The following PTGER3 variants were observed in gnomAD, a reference collection of about 807,000 sequenced individuals.
PTGER3 encodes the protein prostaglandin E receptor 3, also known as prostaglandin E2 receptor EP3 subtype.
A neutral mutation model predicts 34.7 loss-of-function variants in PTGER3; 22 were observed. The ratio of observed to expected loss-of-function variants is 0.63; its 90% confidence interval spans 0.45 to 0.91. PTGER3 has a LOEUF of 0.91. PTGER3 is among the 40% of genes least tolerant of loss of function. PTGER3 has a pLI of 0.00. For missense variants in PTGER3, 468 were observed against 519.4 expected (o/e 0.90, Z 0.96); for synonymous variants, 241 against 230.1 (o/e 1.05, Z -0.43).
chr1:70,978,397 A>G (rs12064496), intron 2 of PTGER3, among the ~76,000 whole-genome samples: 18,388 of 152,180 alleles, frequency 0.12, 1,202 homozygotes, highest in East Asian at 0.22. Context: ...ACTAAATTTT[A>G]TATTGTTCGT....
At chr1:70,940,824 GTTGT>G in intron 4 of PTGER3, among the ~76,000 whole-genome samples, 1 of 152,216 alleles carries the variant, frequency 6.6e-6, no homozygotes, top group Middle Eastern at 3.4e-3. Flanking sequence ...GTATTCCTTA[GTTGT>G]TTGTCATTTT....
intron 4 of PTGER3, among the ~76,000 whole-genome samples, chr1:70,943,967 T>A (rs1042355749): frequency 6.6e-6 from 1 of 152,128 alleles, no homozygotes; most frequent in African/African-American, 2.4e-5. Flanking sequence ...GACATTTTTA[T>A]ATCAAATTTC....
intron 4 of PTGER3, among the ~76,000 whole-genome samples, chr1:70,909,372 G>A (rs1647016207): frequency 6.6e-6 from 1 of 152,114 alleles, no homozygotes; most frequent in Non-Finnish European, 1.5e-5. Context: ...TACACTGAAA[G>A]CCATTTTTTA....
intron 1 of PTGER3, among the ~76,000 whole-genome samples, chr1:71,029,445 A>G: frequency 6.6e-6 from 1 of 152,246 alleles, no homozygotes; most frequent in East Asian, 1.9e-4. Flanking sequence ...CGAAGATGAC[A>G]GTATCCCCTC....
intron 1 of PTGER3, among the ~76,000 whole-genome samples, chr1:71,041,004 A>G (rs527830536): frequency 6.6e-6 from 1 of 152,284 alleles, no homozygotes; most frequent in South Asian, 2.1e-4. Context: ...GGGTGCAGGA[A>G]TTCACAGAGA....
At chr1:70,978,500 A>G (rs1653928537) in intron 2 of PTGER3, among the ~76,000 whole-genome samples, 1 of 152,296 alleles carries the variant, frequency 6.6e-6, no homozygotes, top group East Asian at 1.9e-4. Context: ...AAGGGGGAAA[A>G]TATAGATAAT....
At chr1:70,852,992 T>A in intron 4 of PTGER3, 1 of 1,047,862 alleles carries the variant, frequency 9.5e-7, no homozygotes, top group South Asian at 1.4e-5. Context: ...TACAGCAGTA[T>A]AACAAGAACA....
At chr1:71,044,711 A>C (rs1660607163) in intron 1 of PTGER3, among the ~76,000 whole-genome samples, 2 of 152,276 alleles carry the variant, frequency 1.3e-5, no homozygotes, top group Non-Finnish European at 2.9e-5. Context: ...AAAGTGTCTA[A>C]ATCAAAAACA....
intron 4 of PTGER3, among the ~76,000 whole-genome samples, chr1:70,942,637 C>A (rs965975071): frequency 6.6e-6 from 1 of 152,168 alleles, no homozygotes; most frequent in African/African-American, 2.4e-5. Context: ...GTGGATTGTG[C>A]ACAGCGCCCT....
intron 4 of PTGER3, among the ~76,000 whole-genome samples, chr1:70,902,129 G>C (rs1646853265): frequency 6.6e-6 from 1 of 152,066 alleles, no homozygotes; most frequent in Non-Finnish European, 1.5e-5. Flanking sequence ...ATACCTATAA[G>C]TCAATTTTTA....
intron 2 of PTGER3, among the ~76,000 whole-genome samples, chr1:70,994,300 A>C (rs1328851139): frequency 6.6e-6 from 1 of 152,208 alleles, no homozygotes; most frequent in East Asian, 1.9e-4. Context: ...GGTGACACCA[A>C]GGGACCTTTA....
intron 4 of PTGER3, among the ~76,000 whole-genome samples, chr1:70,895,870 T>C (rs891116238): frequency 6.6e-6 from 1 of 152,214 alleles, no homozygotes; most frequent in Non-Finnish European, 1.5e-5. Context: ...ACAGTTGTAC[T>C]AGACCAGGAG....
chr1:70,994,393 T>A (rs769088237), intron 2 of PTGER3, among the ~76,000 whole-genome samples: 4 of 152,168 alleles, frequency 2.6e-5, no homozygotes, highest in Non-Finnish European at 4.4e-5. Context: ...TCCCTAATTA[T>A]AGTTAACTAT....
chr1:71,020,281 T>A (rs1202411787), intron 1 of PTGER3, among the ~76,000 whole-genome samples: 1 of 152,156 alleles, frequency 6.6e-6, no homozygotes, highest in Non-Finnish European at 1.5e-5. Flanking sequence ...ATTAGTAGAA[T>A]TTGTGCCATT....
intron 4 of PTGER3, among the ~76,000 whole-genome samples, chr1:70,924,827 C>A (rs1479386122): frequency 6.6e-6 from 1 of 152,078 alleles, no homozygotes; most frequent in African/African-American, 2.4e-5. Flanking sequence ...CATGAACTCA[C>A]CCTGAATTAT....
chr1:71,015,629 G>A (rs971993802), intron 1 of PTGER3, among the ~76,000 whole-genome samples: 1 of 152,136 alleles, frequency 6.6e-6, no homozygotes, highest in African/African-American at 2.4e-5. Context: ...GTGTTGATAA[G>A]TCAACAGGAA....
In PTGER3 at chr1:70,902,568, T is replaced by C. The variant is rs139279753; in HGVS notation, c.*24-49709A>G. On this transcript the variant is annotated intron_variant, in intron 4 of 4. Transcript: ENST00000370931. ...CAGAAAGCCCAAAAATCTAACAGAT[T>C]TGGAGAGAAAAGAGAGAGCAGTCTT... 9.2e-3 allele frequency among the ~76,000 whole-genome samples: 1,395 copies of C among 152,200 alleles called. 9 individuals are homozygous for C. Among genetic ancestry groups the C allele is most frequent in the Non-Finnish European group, 0.015 (1,010 of 68,014 alleles).
chr1:70,915,836 A>AT (rs936198957), intron 4 of PTGER3, among the ~76,000 whole-genome samples: 1 of 151,726 alleles, frequency 6.6e-6, no homozygotes, highest in Non-Finnish European at 1.5e-5. Context: ...TTGGCAAAAA[A>AT]TTTTTGGCTA....
chr1:71,021,043 A>G (rs1434642728), intron 1 of PTGER3, among the ~76,000 whole-genome samples: 1 of 152,172 alleles, frequency 6.6e-6, no homozygotes, highest in African/African-American at 2.4e-5. Flanking sequence ...CCAAAAAAAA[A>G]TGTCTTGACA....
Sources: allele counts gnomAD v4.1 joint callset (sites outside exome capture counted in the v4.1 genomes callset), GRCh38; gene constraint gnomAD v4.1.1; transcripts MANE v1.5; gene names NCBI Gene and HGNC (gene_info 2026-07-23, HGNC 2026-07-21).